PIK3CB: variants seen among roughly 807,000 people sequenced by gnomAD.
PIK3CB encodes the protein phosphatidylinositol-4,5-bisphosphate 3-kinase catalytic subunit beta, also known as phosphatidylinositol 4,5-bisphosphate 3-kinase catalytic subunit beta isoform.
PIK3CB carries 39 observed loss-of-function variants against 136.8 expected under a neutral mutation model. The observed-to-expected ratio is 0.29, with a 90% CI of 0.22 to 0.37. The LOEUF is 0.37. PIK3CB is among the 10% of genes least tolerant of loss of function. The pLI, the probability that PIK3CB is intolerant of heterozygous loss-of-function variation, is 1.00. For synonymous variants in PIK3CB, 428 were observed against 436.6 expected, an observed-to-expected ratio of 0.98 and a Z score of 0.25; for missense variants, 868 against 1,275.4, an observed-to-expected ratio of 0.68 and a Z score of 4.87.
At chr3:138,834,352 G>A (rs1033034534) in intron 1 of PIK3CB, among the ~76,000 whole-genome samples, 2 of 152,244 alleles carry the variant, frequency 1.3e-5, no homozygotes, top group East Asian at 1.9e-4. Context: ...TAGACGCGGG[G>A]CGCGAGTACG....
intron 8 of PIK3CB, among the ~76,000 whole-genome samples, chr3:138,724,714 ACT>A (rs1420068826): frequency 2.0e-5 from 3 of 152,176 alleles, no homozygotes; most frequent in Non-Finnish European, 4.4e-5. Context: ...TTGTCAGGAC[ACT>A]GAGACTAGAT....
At chr3:138,694,995 A>C in intron 13 of PIK3CB, 88 bp from the exon 14 acceptor site, 4 of 1,266,720 alleles carry the variant, frequency 3.2e-6, no homozygotes, top group Non-Finnish European at 4.3e-6. Context: ...AAGATAGGTC[A>C]AAAGAAGGCA....
chr3:138,660,511 T>C (rs1043501210), intron 21 of PIK3CB, among the ~76,000 whole-genome samples: 2 of 152,138 alleles, frequency 1.3e-5, no homozygotes, highest in Admixed American at 1.3e-4. Flanking sequence ...ATGGTAGAGG[T>C]TTCCCTTAAA....
At chr3:138,707,352 T>A in intron 10 of PIK3CB, 63 bp from the exon 11 acceptor site, 1 of 1,528,422 alleles carries the variant, frequency 6.5e-7, no homozygotes. Flanking sequence ...TTAAAAAAGC[T>A]GTAATGGATC....
chr3:138,700,694 G>A (rs1278133874), intron 12 of PIK3CB, among the ~76,000 whole-genome samples: 2 of 6,830 alleles, frequency 2.9e-4, no homozygotes, highest in Non-Finnish European at 3.5e-4. Flanking sequence ...ACTCTAAAAA[G>A]ATAGATAGAT....
At chr3:138,746,886 G>A (rs1472927793) in intron 4 of PIK3CB, among the ~76,000 whole-genome samples, 1 of 150,260 alleles carries the variant, frequency 6.7e-6, no homozygotes, top group Non-Finnish European at 1.5e-5. Context: ...AGATAAAAAG[G>A]TGATTCACAA....
chr3:138,742,195 T>C (rs2045259343), intron 5 of PIK3CB, among the ~76,000 whole-genome samples: 1 of 152,198 alleles, frequency 6.6e-6, no homozygotes, highest in African/African-American at 2.4e-5. Context: ...GCAAACAACA[T>C]ACAACACAGT....
intron 21 of PIK3CB, among the ~76,000 whole-genome samples, chr3:138,660,664 T>C (rs113876165): frequency 2.0e-4 from 30 of 152,280 alleles, no homozygotes; most frequent in African/African-American, 6.7e-4. Context: ...AACAATATAT[T>C]GTATTCCTGA....
In PIK3CB at chr3:138,677,130, G is replaced by A. The variant is rs112387155; in HGVS notation, c.2504+4837C>T. 1.4e-4 allele frequency among the ~76,000 whole-genome samples: 21 copies of A among 148,290 alleles called. No individual in the cohort carries two copies. In the East Asian group the frequency reaches 3.2e-3, roughly 23 times the overall value. On this transcript the variant is annotated intron_variant, in intron 19 of 23. Transcript: ENST00000674063. ...TGGAGTATGCAATGGTGCCATCTCC[G>A]CTCACTGCAACCTCCCCTTCCTGGG... is the stretch of plus-strand genomic sequence containing the variant.
intron 2 of PIK3CB, among the ~76,000 whole-genome samples, chr3:138,771,162 A>G (rs762428611): frequency 2.6e-5 from 4 of 151,816 alleles, no homozygotes; most frequent in Admixed American, 6.6e-5. Flanking sequence ...TGATGTGTTC[A>G]TGGTGAAGTA....
chr3:138,741,450 G>A (rs760359748), intron 5 of PIK3CB, among the ~76,000 whole-genome samples: 2 of 152,138 alleles, frequency 1.3e-5, no homozygotes, highest in Non-Finnish European at 2.9e-5. Context: ...ACAGAACAAC[G>A]ACTGTTAAGT....
At chr3:138,734,488 TTAAATA>T in intron 7 of PIK3CB, 140 bp downstream of exon 7, 1 of 477,244 alleles carries the variant, frequency 2.1e-6, no homozygotes, top group Non-Finnish European at 3.6e-6. Context: ...AAGATAATTT[TTAAATA>T]AATGGTGATC....
intron 21 of PIK3CB, among the ~76,000 whole-genome samples, chr3:138,660,065 TTATCA>T (rs1377787290): frequency 6.6e-6 from 1 of 151,680 alleles, no homozygotes; most frequent in Non-Finnish European, 1.5e-5. Flanking sequence ...TTCTCTCTAT[TTATCA>T]TATTTTTTGG....
intron 8 of PIK3CB, among the ~76,000 whole-genome samples, chr3:138,724,310 G>GTA (rs1427827952): frequency 1.3e-5 from 2 of 152,116 alleles, no homozygotes; most frequent in Admixed American, 6.5e-5. Context: ...AAATGAAAAG[G>GTA]TATATATATG....
chr3:138,665,231 C>A, intron 19 of PIK3CB, 28 bp from the exon 20 acceptor site: 2 of 1,483,314 alleles, frequency 1.3e-6, no homozygotes, highest in Admixed American at 2.2e-5. Flanking sequence ...GGCATAGAGT[C>A]ATATTTTCCT....
At chr3:138,761,137 T>C (rs1437343811) in intron 2 of PIK3CB, among the ~76,000 whole-genome samples, 1 of 152,160 alleles carries the variant, frequency 6.6e-6, no homozygotes, top group Non-Finnish European at 1.5e-5. Context: ...GATCTTAGCA[T>C]TACTAAAAGT....
intron 1 of PIK3CB, among the ~76,000 whole-genome samples, chr3:138,815,162 A>AAAAAAAAAATAT (rs1553743711): frequency 4.8e-5 from 3 of 62,482 alleles, no homozygotes; most frequent in African/African-American, 6.5e-5. Context: ...AAAAAAAAAA[A>AAAAAAAAAATAT]ATATATATAT....
chr3:138,689,872 C>T (rs1485206213), intron 15 of PIK3CB, among the ~76,000 whole-genome samples: 1 of 152,162 alleles, frequency 6.6e-6, no homozygotes, highest in Non-Finnish European at 1.5e-5. Flanking sequence ...GTAAGGCAAT[C>T]TTACCAATTT....
rs547224125 is a variant in PIK3CB, at chr3:138,812,893, T to A, written c.-121-16326A>T. On this transcript the variant is annotated intron_variant, in intron 1 of 23. Coordinates refer to ENST00000674063, the MANE Select transcript of PIK3CB (RefSeq NM_006219.3). ...CGGTGGTGGTGGTCACTCAAATCTA[T>A]ATATATAATAAAACTGAATGACCTA... is the stretch of plus-strand genomic sequence containing the variant. Among the ~76,000 whole-genome samples the A allele has an allele frequency of 1.3e-5, 2 of 152,148 alleles. 1 individual carries two copies. The highest frequency in any genetic ancestry group is 4.2e-4 in the South Asian group (2 of 4,808).
Sources: gnomAD v4.1 joint callset for allele counts (sites outside exome capture counted in the v4.1 genomes callset) on GRCh38, gnomAD v4.1.1 for gene constraint, MANE v1.5 for transcripts, NCBI Gene and HGNC (gene_info 2026-07-23, HGNC 2026-07-21) for gene names.